The following NT5M variants were observed in gnomAD, a reference collection of about 807,000 sequenced individuals.
NT5M encodes the protein 5'(3')-deoxyribonucleotidase, mitochondrial.
A neutral mutation model predicts 22.2 loss-of-function variants in NT5M; 22 were observed. The ratio of observed to expected loss-of-function variants is 0.99; its 90% CI spans 0.71 to 1.41. The LOEUF (loss-of-function observed/expected upper bound fraction) is 1.41. Among genes scored for constraint, NT5M ranks in the 40% most tolerant of loss-of-function variants. NT5M has a pLI of 0.00. For missense variants in NT5M, 322 were observed against 314.8 expected, an observed-to-expected ratio of 1.02 and a Z score of -0.17; for synonymous variants, 167 against 133.0, an observed-to-expected ratio of 1.26 and a Z score of -1.76.
intron 2 of NT5M, among the ~76,000 whole-genome samples, chr17:17,317,433 A>G (rs1338428919): frequency 6.6e-6 from 1 of 152,190 alleles, no homozygotes. Flanking sequence ...GCCAGTAACT[A>G]CCTGAAAACA....
chr17:17,321,458 C>T (rs778897381), intron 2 of NT5M, among the ~76,000 whole-genome samples: 21 of 151,634 alleles, frequency 1.4e-4, no homozygotes, highest in South Asian at 2.1e-4. Context: ...GAAGTGAGCC[C>T]GGCGGCAGGT....
intron 3 of NT5M, among the ~76,000 whole-genome samples, chr17:17,340,548 A>G (rs867632622): frequency 4.1e-5 from 6 of 147,794 alleles, no homozygotes; most frequent in African/African-American, 1.5e-4. Context: ...TAATTTTGAG[A>G]TGGAGCCTTG....
At chr17:17,332,576 G>A (rs1255300847) in intron 3 of NT5M, among the ~76,000 whole-genome samples, 2 of 152,140 alleles carry the variant, frequency 1.3e-5, no homozygotes, top group Admixed American at 1.3e-4. Context: ...ACCGCTTTAT[G>A]CTTGGATACC....
chr17:17,339,465 CT>C (rs2049593233), intron 3 of NT5M, among the ~76,000 whole-genome samples: 1 of 152,070 alleles, frequency 6.6e-6, no homozygotes, highest in African/African-American at 2.4e-5. Flanking sequence ...CTCTTTCTTT[CT>C]TTCTCTTGTC....
intron 2 of NT5M, among the ~76,000 whole-genome samples, chr17:17,313,972 G>A (rs2048971876): frequency 6.6e-6 from 1 of 152,214 alleles, no homozygotes; most frequent in Non-Finnish European, 1.5e-5. Context: ...CAGGTTCTGA[G>A]GAGCTTGGTT....
intron 3 of NT5M, among the ~76,000 whole-genome samples, chr17:17,337,560 A>C (rs1370988918): frequency 6.6e-6 from 1 of 151,994 alleles, no homozygotes; most frequent in Non-Finnish European, 1.5e-5. Context: ...GTGTGCCACC[A>C]TGCCTGGCTA....
chr17:17,313,541 G>A (rs914187301), intron 2 of NT5M, among the ~76,000 whole-genome samples: 1 of 152,192 alleles, frequency 6.6e-6, no homozygotes, highest in Non-Finnish European at 1.5e-5. Context: ...CTGAGTACAA[G>A]AGATGTGGGC....
At chr17:17,313,265 G>T (rs1018396722) in intron 2 of NT5M, among the ~76,000 whole-genome samples, 6 of 152,058 alleles carry the variant, frequency 3.9e-5, no homozygotes, top group Non-Finnish European at 7.4e-5. Flanking sequence ...GGTAAAAAGA[G>T]TGAAAATCTG....
intron 4 of NT5M, among the ~76,000 whole-genome samples, chr17:17,346,557 G>A (rs752262600): frequency 2.6e-5 from 4 of 152,210 alleles, no homozygotes; most frequent in Non-Finnish European, 5.9e-5. Context: ...TGCCAGTGCT[G>A]GTGGTGACAG....
At chr17:17,325,303 C>G (rs1445975543) in intron 3 of NT5M, among the ~76,000 whole-genome samples, 1 of 152,142 alleles carries the variant, frequency 6.6e-6, no homozygotes, top group African/African-American at 2.4e-5. Context: ...TGCCTCGGCC[C>G]GGGACTGCCC....
rs1173004367 is a variant in NT5M, at chr17:17,315,744, G to GTTTTTTTTTTTTTTTTTTTTTT, written c.369-7434_369-7433insTTTTTTTTTTTTTTTTTTTTTT. 3.0e-5 allele frequency among the ~76,000 whole-genome samples: 2 copies of GTTTTTTTTTTTTTTTTTTTTTT among 67,714 alleles called. 1 individual carries two copies. Among genetic ancestry groups the GTTTTTTTTTTTTTTTTTTTTTT allele is most frequent in the Admixed American group, 3.9e-4 (2 of 5,142 alleles). The allele number at this position is 67,714 out of a possible 152,430, so 44.4% of individuals were successfully genotyped here. ...AGAGATTGATGTGATCTAACTTAGG[G>GTTTTTTTTTTTTTTTTTTTTTT]TTTTTTTGTTTTTTTTTTTTTTTTT... is the stretch of plus-strand genomic sequence containing the variant. On this transcript the variant is annotated intron_variant, in intron 2 of 4. Coordinates refer to ENST00000389022, the MANE Select transcript of NT5M (RefSeq NM_020201.4).
At chr17:17,341,806 G>A (rs190602770) in intron 3 of NT5M, among the ~76,000 whole-genome samples, 11 of 152,274 alleles carry the variant, frequency 7.2e-5, no homozygotes, top group Non-Finnish European at 1.2e-4. Context: ...CACGGTGGGC[G>A]GATCACAAGG....
chr17:17,346,623 C>A (rs1567904401), intron 4 of NT5M, among the ~76,000 whole-genome samples, 182 bp from the exon 5 acceptor site: 2 of 152,228 alleles, frequency 1.3e-5, no homozygotes, highest in Admixed American at 6.5e-5. Context: ...TGACGGCCTC[C>A]TTGCCGCATC....
intron 4 of NT5M, chr17:17,345,374 C>A: frequency 1.6e-6 from 1 of 607,036 alleles, no homozygotes; most frequent in Non-Finnish European, 2.1e-6. Context: ...CTTGAACTGC[C>A]GTAGAAAGGA....
At chr17:17,328,437 C>T (rs1209125524) in intron 3 of NT5M, among the ~76,000 whole-genome samples, 1 of 152,130 alleles carries the variant, frequency 6.6e-6, no homozygotes, top group African/African-American at 2.4e-5. Flanking sequence ...CAAGCACCCC[C>T]TCACCCACCG....
intron 3 of NT5M, among the ~76,000 whole-genome samples, chr17:17,337,278 G>A (rs549520802): frequency 2.0e-5 from 3 of 152,288 alleles, no homozygotes; most frequent in South Asian, 4.1e-4. Flanking sequence ...ATCTCGCTCT[G>A]TAGCTCAGGC....
intron 2 of NT5M, among the ~76,000 whole-genome samples, chr17:17,310,894 C>G (rs969972892): frequency 6.6e-6 from 1 of 152,108 alleles, no homozygotes; most frequent in African/African-American, 2.4e-5. Context: ...CACAGTGGCT[C>G]ACGCCTCTTA....
intron 3 of NT5M, among the ~76,000 whole-genome samples, chr17:17,326,526 C>T (rs974704582): frequency 8.5e-5 from 13 of 152,234 alleles, no homozygotes; most frequent in Admixed American, 3.3e-4. Flanking sequence ...AAGGGAAGCC[C>T]GAGGAAGCAG....
At chr17:17,341,370 A>G (rs1164816586) in intron 3 of NT5M, among the ~76,000 whole-genome samples, 2 of 152,184 alleles carry the variant, frequency 1.3e-5, no homozygotes, top group Admixed American at 6.5e-5. Flanking sequence ...CTGACCTCAC[A>G]GTGGAAGTCA....
Sources: gnomAD v4.1 joint callset for allele counts (sites outside exome capture counted in the v4.1 genomes callset) on GRCh38, gnomAD v4.1.1 for gene constraint, MANE v1.5 for transcripts, NCBI Gene and HGNC (gene_info 2026-07-23, HGNC 2026-07-21) for gene names.